The following DOCK1 variants were observed in gnomAD, a reference collection of about 807,000 sequenced individuals.
DOCK1 encodes the protein dedicator of cytokinesis protein 1.
A neutral mutation model predicts 262.7 loss-of-function variants in DOCK1; 138 were observed. The observed-to-expected ratio is 0.53, with a 90% CI of 0.46 to 0.61. The LOEUF (loss-of-function observed/expected upper bound fraction) is 0.61, where lower values mean the gene tolerates loss of function less well. DOCK1 is among the 20% of genes least tolerant of loss of function. The probability of loss-of-function intolerance (pLI) is 0.00; values close to 1 mark genes in which losing one functional copy is unlikely to be tolerated. For synonymous variants in DOCK1, 866 were observed against 867.4 expected, an observed-to-expected ratio of 1.00 and a Z score of 0.03; for missense variants, 1,908 against 2,370.7, an observed-to-expected ratio of 0.80 and a Z score of 4.05.
At chr10:127,182,404 A>G (rs759150890) in intron 27 of DOCK1, among the ~76,000 whole-genome samples, 18 of 152,166 alleles carry the variant, frequency 1.2e-4, no homozygotes, top group African/African-American at 4.1e-4. Context: ...GAGGGCAAGC[A>G]TGCATGCTTG....
At chr10:127,353,565 G>A (rs2063991616) in intron 31 of DOCK1, among the ~76,000 whole-genome samples, 1 of 152,232 alleles carries the variant, frequency 6.6e-6, no homozygotes, top group African/African-American at 2.4e-5. Flanking sequence ...AACCGAGTCT[G>A]CCTGCATCAG....
chr10:127,354,887 A>C (rs1159349258), intron 32 of DOCK1, among the ~76,000 whole-genome samples, 160 bp downstream of exon 32: 1 of 152,248 alleles, frequency 6.6e-6, no homozygotes, highest in African/African-American at 2.4e-5. Flanking sequence ...TCAGGAATTA[A>C]GAGATAGAAG....
intron 1 of DOCK1, among the ~76,000 whole-genome samples, chr10:126,938,247 C>A (rs1162650716): frequency 6.6e-5 from 10 of 152,130 alleles, no homozygotes; most frequent in African/African-American, 2.4e-4. Flanking sequence ...AGGGTTTCTC[C>A]ATGTTGGTCA....
In DOCK1 at chr10:127,425,907, G is replaced by T. The variant is rs1364431386; in HGVS notation, c.4810G>T (p.Gly1604Ter). 1 of 1,614,030 alleles carries T rather than the reference G, an allele frequency of 6.2e-7. No homozygotes were observed. Among genetic ancestry groups the T allele is most frequent in the South Asian group, 1.1e-5 (1 of 91,078 alleles). ...TCTGGCCGAAGGGATCAGAATCCAT[G>T]GAGACAAAGTCACGGAGGCACTGAG... is the stretch of plus-strand genomic sequence containing the variant. ...PFLAEGIRIH[G>*]DKVTEALRPF... Residue 1604 changes from glycine to a stop codon, truncating the protein, a stop_gained, in exon 47 of 52, where the codon GGA (glycine) becomes TGA (stop). Coordinates refer to ENST00000623213, the MANE Select transcript of DOCK1 (RefSeq NM_001290223.2). LOFTEE classifies it high-confidence loss of function.
At chr10:126,905,944 C>G (rs1408845489) in intron 1 of DOCK1, among the ~76,000 whole-genome samples, 3 of 152,110 alleles carry the variant, frequency 2.0e-5, no homozygotes, top group Non-Finnish European at 4.4e-5. Context: ...TCAGGGAAGC[C>G]CAGGGGTCAC....
chr10:126,928,646 G>T (rs1294497851), intron 1 of DOCK1, among the ~76,000 whole-genome samples: 1 of 152,162 alleles, frequency 6.6e-6, no homozygotes, highest in East Asian at 1.9e-4. Context: ...CTGGGTTAGG[G>T]TGGGCCTTTA....
At chr10:126,924,925 C>T (rs902064168) in intron 1 of DOCK1, among the ~76,000 whole-genome samples, 2 of 152,246 alleles carry the variant, frequency 1.3e-5, no homozygotes, top group Non-Finnish European at 2.9e-5. Context: ...ATTAGTACTT[C>T]CATTGTACAA....
intron 28 of DOCK1, among the ~76,000 whole-genome samples, 196 bp downstream of exon 28, chr10:127,248,305 C>T (rs904240229): frequency 1.3e-5 from 2 of 152,164 alleles, no homozygotes; most frequent in African/African-American, 4.8e-5. Flanking sequence ...TGCAGACTTG[C>T]TTCTAGGGCT....
intron 22 of DOCK1, among the ~76,000 whole-genome samples, chr10:127,061,295 A>T (rs2135821200): frequency 6.6e-6 from 1 of 152,280 alleles, no homozygotes; most frequent in East Asian, 1.9e-4. Context: ...TAATAGTGTA[A>T]TTTTTGTGGG....
At chr10:127,365,421 T>C (rs1258408457) in intron 33 of DOCK1, among the ~76,000 whole-genome samples, 3 of 152,244 alleles carry the variant, frequency 2.0e-5, no homozygotes, top group Non-Finnish European at 4.4e-5. Flanking sequence ...TGCCAACTCA[T>C]TGGAACTACA....
At chr10:126,925,429 G>A (rs925504737) in intron 1 of DOCK1, among the ~76,000 whole-genome samples, 1 of 152,158 alleles carries the variant, frequency 6.6e-6, no homozygotes, top group African/African-American at 2.4e-5. Flanking sequence ...CTGTTTCCAG[G>A]CTGCAGGGCA....
chr10:127,257,249 G>T, intron 28 of DOCK1, 86 bp from the exon 29 acceptor site: 3 of 1,053,550 alleles, frequency 2.8e-6, no homozygotes, highest in South Asian at 1.5e-5. Context: ...TTTAAAATGG[G>T]GTATTTTATA....
chr10:127,439,027 G>A lies in DOCK1; in HGVS notation c.5061G>A (p.Gly1687=). Residue 1687 remains glycine (G), a splice_region_variant and synonymous_variant, in exon 49 of 52, where the codon GGG becomes GGA. Transcript: ENST00000623213. ...AAGACGTCATTGACCTTTCCTTTAGGTTTGCCCTGGAGCCTCTCCTGCCAA... is the reference window on the plus strand; with the variant it reads ...AAGACGTCATTGACCTTTCCTTTAGATTTGCCCTGGAGCCTCTCCTGCCAA... ...DSTPSRPGSD[G]FALEPLLPKK... 6.5e-7 allele frequency: 1 copy of A among 1,549,932 alleles called. No homozygotes were observed. Among genetic ancestry groups the A allele is most frequent in the South Asian group, 1.2e-5 (1 of 83,642 alleles).
chr10:127,124,133 C>T (rs2049795376), intron 25 of DOCK1, among the ~76,000 whole-genome samples: 1 of 152,176 alleles, frequency 6.6e-6, no homozygotes, highest in Admixed American at 6.5e-5. Flanking sequence ...GCTCCCCAGT[C>T]CTTCATTACA....
intron 27 of DOCK1, among the ~76,000 whole-genome samples, chr10:127,212,299 T>C (rs916240646): frequency 3.3e-5 from 5 of 152,182 alleles, no homozygotes; most frequent in African/African-American, 1.2e-4. Context: ...GAAGGAAACT[T>C]CTACCTGGCC....
In DOCK1 at chr10:126,905,524, C is replaced by T. The variant is rs867484120; in HGVS notation, c.7C>T (p.Arg3Cys). 2 of 524,858 alleles carry T rather than the reference C, an allele frequency of 3.8e-6. No homozygotes were observed. The highest frequency in any genetic ancestry group is 3.5e-6 in the Non-Finnish European group (1 of 287,568). The allele number at this position is 524,858 out of a possible 1,614,324, so 32.5% of individuals were successfully genotyped here. A position where few individuals can be genotyped will look rare whatever the true frequency, so the allele number is the denominator to read the frequency against. The change falls in exon 1 of 52, where the codon CGC becomes TGC. Residue 3 changes from arginine (R) to cysteine (C), a missense_variant. Arg to Cys is a radical substitution (Grantham distance 180, BLOSUM62 -3). This residue lies in a region of DOCK1 where 227 missense variants were observed against 254.1 expected (regional missense o/e 0.89). Transcript: ENST00000623213. MTRWVPTKREEKY... is the reference protein window; with the variant it reads MTCWVPTKREEKY... The stretch of plus-strand genomic sequence containing the variant: ...CGGCGGCTCCGGCGGCGCCATGACG[C>T]GCTGGGTGCCCACCAAGCGCGAGGA...
At chr10:126,927,205 G>C (rs1250620450) in intron 1 of DOCK1, among the ~76,000 whole-genome samples, 1 of 152,180 alleles carries the variant, frequency 6.6e-6, no homozygotes, top group South Asian at 2.1e-4. Context: ...CCAGGTGTGT[G>C]ACCATGATAG....
At chr10:126,952,616 A>G (rs996127749) in intron 1 of DOCK1, among the ~76,000 whole-genome samples, 1 of 147,644 alleles carries the variant, frequency 6.8e-6, no homozygotes, top group African/African-American at 2.5e-5. Flanking sequence ...TATTCTTGGT[A>G]GTATTGTTGG....
chr10:127,424,704 G>A (rs918365437), intron 46 of DOCK1, among the ~76,000 whole-genome samples: 5 of 152,198 alleles, frequency 3.3e-5, no homozygotes, highest in African/African-American at 9.7e-5. Context: ...CCATCTGCAC[G>A]AGTAATTCAT....
Sources: allele counts gnomAD v4.1 joint callset (sites outside exome capture counted in the v4.1 genomes callset), GRCh38; gene constraint gnomAD v4.1.1; regional missense constraint gnomAD v4.1.1; transcripts MANE v1.5; gene names NCBI Gene and HGNC (gene_info 2026-07-23, HGNC 2026-07-21).